Variants in MCF2L observed in about 807,000 individuals in gnomAD.
MCF2L encodes guanine nucleotide exchange factor DBS.
Under a neutral mutation model 153.4 loss-of-function variants are expected in MCF2L, and 97 were observed. That is an observed-to-expected ratio of 0.63 (90% CI 0.54 to 0.75). The LOEUF is 0.75. MCF2L is among the 30% of genes least tolerant of loss of function. The pLI, the probability that MCF2L is intolerant of heterozygous loss-of-function variation, is 0.00. For missense variants in MCF2L, 1,347 were observed against 1,495.2 expected (o/e 0.90, Z 1.64); for synonymous variants, 659 against 632.2 (o/e 1.04, Z -0.64).
At chr13:113,004,231 T>C (rs1566719102) in intron 1 of MCF2L, among the ~76,000 whole-genome samples, 1 of 152,194 alleles carries the variant, frequency 6.6e-6, no homozygotes, top group Non-Finnish European at 1.5e-5. Context: ...CCACCTGGCG[T>C]CACTTGGCAG....
chr13:113,038,315 A>G (rs1295552692), intron 3 of MCF2L, among the ~76,000 whole-genome samples: 2 of 152,064 alleles, frequency 1.3e-5, no homozygotes, highest in Non-Finnish European at 2.9e-5. Context: ...AATACAAAAA[A>G]TTAGCAGGGT....
rs2086799653 is a variant in MCF2L, at chr13:113,046,164, C to G, written c.369+803C>G. The G allele has an allele frequency of 5.9e-6, 1 of 170,070 alleles. No individual in the cohort carries two copies. Among genetic ancestry groups the G allele is most frequent in the African/African-American group, 2.4e-5 (1 of 41,638 alleles). The allele number at this position is 170,070 out of a possible 1,614,324, so 10.5% of individuals were successfully genotyped here. A position where few individuals can be genotyped will look rare whatever the true frequency, so the allele number is the denominator to read the frequency against. On this transcript the variant is annotated intron_variant, in intron 4 of 29. Transcript: ENST00000535094. The surrounding 1 kb of genome is among the most constrained non-coding windows in gnomAD (Gnocchi z 4.4). ...CCAAATCTTATTTTTGTCGGTAGCT[C>G]CCACCCGTATGCATGACCCCGGCAT...
intron 2 of MCF2L, chr13:112,957,159 A>G (rs1477880860): frequency 1.3e-5 from 2 of 151,972 alleles, no homozygotes; most frequent in Non-Finnish European, 1.5e-5. Flanking sequence ...GAACTGCACA[A>G]ATGGGAGAAT....
At chr13:113,071,656 C>T (rs538904090) in intron 9 of MCF2L, among the ~76,000 whole-genome samples, 84 of 152,290 alleles carry the variant, frequency 5.5e-4, no homozygotes, top group African/African-American at 1.9e-3. Context: ...TCTTCTCCAC[C>T]GTTGTCAAAG....
chr13:113,090,021 A>G lies in MCF2L; in HGVS notation c.2953+293A>G, dbSNP rs113896158. The stretch of plus-strand genomic sequence containing the variant: ...CTGCGACAGCCGGACCCGCCTCCGC[A>G]TCGGGTTGCGATGCCCTCTGCATAG... On this transcript the variant is annotated intron_variant, in intron 26 of 29. Transcript: ENST00000535094. 5.4e-5 allele frequency: 86 copies of G among 1,600,122 alleles called. 1 individual carries two copies. The African/African-American group carries it at 8.3e-4, about 15-fold the overall frequency.
intron 1 of MCF2L, among the ~76,000 whole-genome samples, chr13:112,894,806 C>A (rs867192701): frequency 6.6e-6 from 1 of 152,144 alleles, no homozygotes; most frequent in African/African-American, 2.4e-5. Flanking sequence ...CCTCGTAGGA[C>A]CACCCCGGGA....
chr13:113,041,201 T>C (rs115421196), intron 3 of MCF2L, among the ~76,000 whole-genome samples: 1,625 of 152,218 alleles, frequency 0.011, 25 homozygotes, highest in African/African-American at 0.037. Context: ...ATCACCTTCA[T>C]CCCTCTGGTG....
chr13:113,086,012 CAGGGGAGGGTG>C, intron 20 of MCF2L, 101 bp from the exon 21 acceptor site: 1 of 1,173,216 alleles, frequency 8.5e-7, no homozygotes, highest in Non-Finnish European at 1.2e-6. Context: ...CCCCACAGAC[CAGGGGAGGGTG>C]AGCAGCATCC....
chr13:112,923,075 AG>A (rs2081368388), intron 2 of MCF2L, among the ~76,000 whole-genome samples: 1 of 152,172 alleles, frequency 6.6e-6, no homozygotes, highest in Non-Finnish European at 1.5e-5. Flanking sequence ...AACAATGGCA[AG>A]GGTAGCACAA....
rs202134255 is a variant in MCF2L, at chr13:113,057,090, GTGTT to G, written c.370-3500_370-3497del. Among the ~76,000 whole-genome samples, 193 of 145,880 alleles carry G rather than the reference GTGTT, an allele frequency of 1.3e-3. 1 individual carries two copies. The East Asian group carries it at 0.027, about 20-fold the overall frequency. On this transcript the variant is annotated intron_variant, in intron 4 of 29. Coordinates refer to ENST00000535094, the MANE Select transcript of MCF2L (RefSeq NM_001112732.3). ...TGGGTGCTGAGTGTTTTGGTGCTGA[GTGTT>G]TGGGTGCTGTGTGTTTGGGTGCTGA... is the stretch of plus-strand genomic sequence containing the variant.
In MCF2L at chr13:113,084,053, T is replaced by C; in HGVS notation, c.2047T>C (p.Cys683Arg). The change falls in exon 18 of 30, where the codon TGC becomes CGC. Residue 683 changes from cysteine to arginine, a missense_variant. Physicochemically the swap from Cys to Arg is radical, Grantham distance 180. This residue lies in a region of MCF2L where 820 missense variants were observed against 921.2 expected (regional missense o/e 0.89). Coordinates refer to ENST00000535094, the MANE Select transcript of MCF2L (RefSeq NM_001112732.3). ...TGACTGCCCAGAACTGGTTGGAAGATGCTTTCTGGAGAGGGTAGGTGGTGT... is the reference window on the plus strand; with the variant it reads ...TGACTGCCCAGAACTGGTTGGAAGACGCTTTCTGGAGAGGGTAGGTGGTGT... ...YTDCPELVGR[C>R]FLERMEDFQI... is the part of the protein sequence containing the mutation. 6.2e-7 allele frequency: 1 copy of C among 1,613,978 alleles called. No homozygotes were observed. Among genetic ancestry groups the C allele is most frequent in the Non-Finnish European group, 8.5e-7 (1 of 1,179,820 alleles).
At chr13:113,058,382 C>T (rs1466117372) in intron 4 of MCF2L, among the ~76,000 whole-genome samples, 3 of 138,300 alleles carry the variant, frequency 2.2e-5, no homozygotes, top group Non-Finnish European at 4.7e-5. Flanking sequence ...TAAGTGGGTG[C>T]TGAGTGTTTT....
chr13:113,083,673 C>T (rs951317085), intron 17 of MCF2L, among the ~76,000 whole-genome samples: 18 of 152,228 alleles, frequency 1.2e-4, no homozygotes, highest in African/African-American at 4.1e-4. Flanking sequence ...ATGGGGGTGG[C>T]GCCTCCAGGG....
rs1350030435 is a variant in MCF2L, at chr13:113,011,892, G to A, written c.80-2871G>A. Among the ~76,000 whole-genome samples, 40 of 112,238 alleles carry A rather than the reference G, an allele frequency of 3.6e-4. 2 individuals are homozygous for A. Among genetic ancestry groups the A allele is most frequent in the African/African-American group, 1.2e-3 (36 of 30,740 alleles). The allele number at this position is 112,238 out of a possible 152,430, so 73.6% of individuals were successfully genotyped here. A position where few individuals can be genotyped will look rare whatever the true frequency, so the allele number is the denominator to read the frequency against. On this transcript the variant is annotated intron_variant, in intron 1 of 29. Coordinates refer to ENST00000535094, the MANE Select transcript of MCF2L (RefSeq NM_001112732.3). ...ACTGTGATGCGGACGGTGGACAGGC[G>A]GTGTGGACGGTGGACACTGTGATGC...
At position 112,969,655 on chromosome 13, in the gene MCF2L, C is replaced by A; in HGVS notation, c.79+197C>A. On this transcript the variant is annotated intron_variant, in intron 1 of 29. Transcript: ENST00000535094. This position sits in a 1 kb window ranked among gnomAD's most constrained non-coding sequence, Gnocchi z 4.8. ...GCGATCGTATGCTGCCCGGGATAGT[C>A]AAAATGACTGCACGTTGGTGACACT... 3 of 465,556 alleles carry A rather than the reference C, an allele frequency of 6.4e-6. No homozygotes were observed. Among genetic ancestry groups the A allele is most frequent in the Non-Finnish European group, 8.5e-6 (3 of 354,700 alleles). The allele number at this position is 465,556 out of a possible 1,614,324, so 28.8% of individuals were successfully genotyped here.
At chr13:113,084,487 C>G (rs1400842698) in intron 18 of MCF2L, 1 of 326,136 alleles carries the variant, frequency 3.1e-6, no homozygotes, top group Non-Finnish European at 5.6e-6. Context: ...TTGCACTTCA[C>G]AATGGGGCTA....
At chr13:112,902,469 C>T in intron 2 of MCF2L, 1 of 1,280,772 alleles carries the variant, frequency 7.8e-7, no homozygotes, top group South Asian at 1.7e-5. Context: ...TAGAGATTGA[C>T]AAGGTTTAGA....
rs1478356271 is a variant in MCF2L at position 112,941,129 on chromosome 13, T to G, written c.169+38758T>G. ...AGGGTCAGAGTGGCCATCGTGCTTA[T>G]CACATAAAAATGTAACCTACAAAAA... On this transcript the variant is annotated intron_variant, in intron 2 of 29. Transcript: ENST00000375608. This position sits in a 1 kb window ranked among gnomAD's most constrained non-coding sequence, Gnocchi z 4.9. 6.6e-6 allele frequency among the ~76,000 whole-genome samples: 1 copy of G among 152,176 alleles called. No homozygotes were observed. Among genetic ancestry groups the G allele is most frequent in the Non-Finnish European group, 1.5e-5 (1 of 68,038 alleles).
At chr13:112,922,253 G>C (rs1009449514) in intron 2 of MCF2L, among the ~76,000 whole-genome samples, 4 of 152,176 alleles carry the variant, frequency 2.6e-5, no homozygotes, top group Non-Finnish European at 5.9e-5. Context: ...CCAAAGTCTA[G>C]AATAAATGGG....
Sources: allele counts gnomAD v4.1 joint callset (sites outside exome capture counted in the v4.1 genomes callset), GRCh38; gene constraint gnomAD v4.1.1; regional missense constraint gnomAD v4.1.1; non-coding constraint Gnocchi (gnomAD v3.1); transcripts MANE v1.5; gene names NCBI Gene and HGNC (gene_info 2026-07-23, HGNC 2026-07-21).